ACSF2: variants seen among roughly 807,000 people sequenced by gnomAD.
ACSF2 encodes the protein acyl-CoA synthetase family member 2, also known as medium-chain acyl-CoA ligase ACSF2, mitochondrial.
Under a neutral mutation model 79.3 loss-of-function variants are expected in ACSF2, and 52 were observed. The ratio of observed to expected loss-of-function variants is 0.66; its 90% CI spans 0.53 to 0.83. The LOEUF is 0.83. Ranked by LOEUF, ACSF2 falls within the 40% of genes least tolerant of loss-of-function variation. ACSF2 has a pLI of 0.00. For synonymous variants in ACSF2, 283 were observed against 312.6 expected, an observed-to-expected ratio of 0.91 and a Z score of 1.00; for missense variants, 661 against 803.3, an observed-to-expected ratio of 0.82 and a Z score of 2.14.
chr17:50,459,739 G>A (rs532969397), intron 1 of ACSF2, among the ~76,000 whole-genome samples: 1 of 152,224 alleles, frequency 6.6e-6, no homozygotes, highest in South Asian at 2.1e-4. Flanking sequence ...GACTGCCCAG[G>A]CCTCTACCCA....
At chr17:50,433,259 C>T (rs1261266344) in intron 1 of ACSF2, among the ~76,000 whole-genome samples, 1 of 152,090 alleles carries the variant, frequency 6.6e-6, no homozygotes. Context: ...ACACCTGCCA[C>T]CACGCCCAGC....
At chr17:50,447,799 A>G (rs1025822978) in intron 1 of ACSF2, among the ~76,000 whole-genome samples, 3 of 152,210 alleles carry the variant, frequency 2.0e-5, no homozygotes, top group African/African-American at 7.2e-5. Context: ...CTCTGTGGAA[A>G]GTAGTCTGAC....
intron 10 of ACSF2, chr17:50,467,963 C>T: frequency 6.9e-7 from 1 of 1,454,164 alleles, no homozygotes; most frequent in Non-Finnish European, 9.3e-7. Flanking sequence ...GGGGATGGTG[C>T]CAGCTGTGGC....
chr17:50,436,503 G>T (rs1229174101), intron 1 of ACSF2, among the ~76,000 whole-genome samples: 1 of 151,804 alleles, frequency 6.6e-6, no homozygotes, highest in Admixed American at 6.6e-5. Flanking sequence ...TGCAATCTCG[G>T]ATCACTGCAA....
At chr17:50,465,132 CT>C in intron 10 of ACSF2, 1 of 746,992 alleles carries the variant, frequency 1.3e-6, no homozygotes, top group Non-Finnish European at 2.2e-6. Flanking sequence ...TGGGCAGGAC[CT>C]TTTCCTCCCT....
At chr17:50,432,423 T>G (rs1664677169) in intron 1 of ACSF2, among the ~76,000 whole-genome samples, 1 of 152,172 alleles carries the variant, frequency 6.6e-6, no homozygotes, top group Non-Finnish European at 1.5e-5. Context: ...TAACTGTGTC[T>G]GGGGAGTAGG....
chr17:50,433,648 C>T (rs2030143854), intron 1 of ACSF2, among the ~76,000 whole-genome samples: 1 of 152,116 alleles, frequency 6.6e-6, no homozygotes, highest in African/African-American at 2.4e-5. Flanking sequence ...GTATTTCAGG[C>T]TACTCTGTCA....
In ACSF2 at chr17:50,468,144, G is replaced by C. The variant is rs1471201677; in HGVS notation, c.1216-2884G>C. The C allele has an allele frequency of 1.9e-6, 3 of 1,614,038 alleles. No homozygotes were observed. The African/African-American group carries it at 4.0e-5, about 22-fold the overall frequency. ...TTCAGGGGGTTGTGGGACAGCTTCA[G>C]CTCCTCCACCACCCGTAGCTTGCTC... is the stretch of plus-strand genomic sequence containing the variant. On this transcript the variant is annotated intron_variant, in intron 10 of 15. Coordinates refer to ENST00000300441, the MANE Select transcript of ACSF2 (RefSeq NM_025149.6).
chr17:50,473,390 T>G (rs1384188664), intron 12 of ACSF2: 1 of 418,608 alleles, frequency 2.4e-6, no homozygotes, highest in Non-Finnish European at 4.4e-6. Context: ...TGGAGACATT[T>G]GAGCTGAGAC....
At chr17:50,444,341 T>C (rs2031149212) in intron 1 of ACSF2, among the ~76,000 whole-genome samples, 1 of 152,038 alleles carries the variant, frequency 6.6e-6, no homozygotes, top group Non-Finnish European at 1.5e-5. Flanking sequence ...TCACTTGAGG[T>C]CAGGAGTTTG....
At position 50,463,426 on chromosome 17, in the gene ACSF2, A is replaced by ACC. The variant is rs750863442; in HGVS notation, c.924_925dup (p.Leu309ProfsTer13). The ACC allele has an allele frequency of 1.2e-6, 2 of 1,613,846 alleles. No homozygotes were observed. The highest frequency in any genetic ancestry group is 1.7e-6 in the Non-Finnish European group (2 of 1,179,954). On this transcript the variant is annotated frameshift_variant, in exon 8 of 16. Transcript: ENST00000300441. LOFTEE classifies it high-confidence loss of function. The surrounding 1 kb of genome is among the most constrained non-coding windows in gnomAD (Gnocchi z 4.6). ...GAGCAGTTGCGGATGATCCTGCCCAACCCCCTGTACCATTGCCTGGGTTCC... is the reference window on the plus strand; with the variant it reads ...GAGCAGTTGCGGATGATCCTGCCCAACCCCCCCTGTACCATTGCCTGGGTTCC...
intron 1 of ACSF2, among the ~76,000 whole-genome samples, chr17:50,454,777 G>A (rs1343274053): frequency 1.3e-5 from 2 of 152,120 alleles, no homozygotes; most frequent in Non-Finnish European, 2.9e-5. Context: ...ACCTATTGGG[G>A]TTTCTGTCAC....
chr17:50,436,452 G>A (rs771440719), intron 1 of ACSF2, among the ~76,000 whole-genome samples: 5 of 145,196 alleles, frequency 3.4e-5, no homozygotes, highest in Non-Finnish European at 1.5e-5. Flanking sequence ...ATTTTCCTGC[G>A]ACAGAGTTTC....
At position 50,461,238 on chromosome 17, in the gene ACSF2, C is replaced by G; in HGVS notation, c.325-4C>G. 1 of 1,614,200 alleles carries G rather than the reference C, an allele frequency of 6.2e-7. No individual in the cohort carries two copies. Among genetic ancestry groups the G allele is most frequent in the Non-Finnish European group, 8.5e-7 (1 of 1,180,014 alleles). On this transcript the variant is annotated splice_region_variant and splice_polypyrimidine_tract_variant and intron_variant, in intron 2 of 15. Transcript: ENST00000300441. ...CACCCCTTGCGCCCCATCTTTTACA[C>G]TAGGTGGACAAAGCTGCTTCTGGCC...
chr17:50,473,992 C>A lies in ACSF2; in HGVS notation c.1716C>A (p.Phe572Leu). The part of the protein sequence containing the change: ...EETTVEEIKA[F>L]CKGKISHFKI... ...CCACGGTGGAGGAGATAAAAGCTTT[C>A]TGCAAAGGGAAGGTGGGAGCCTCCG... Residue 572 changes from phenylalanine (F) to leucine (L), a missense_variant, in exon 14 of 16, where the codon TTC becomes TTA. Physicochemically the swap from Phe to Leu is conservative, Grantham distance 22. Transcript: ENST00000300441. 6.6e-7 allele frequency: 1 copy of A among 1,513,930 alleles called. No individual in the cohort carries two copies. 93.8% of individuals were successfully genotyped at this position (1,513,930 alleles called of 1,614,324 possible).
rs2032618215 is a variant in ACSF2, at chr17:50,465,181, A to C, written c.1215+887A>C. 6 of 1,300,082 alleles carry C rather than the reference A, an allele frequency of 4.6e-6. No individual in the cohort carries two copies. The East Asian group carries it at 1.4e-4, about 30-fold the overall frequency. The allele number at this position is 1,300,082 out of a possible 1,614,324, so 80.5% of individuals were successfully genotyped here. A position where few individuals can be genotyped will look rare whatever the true frequency, so the allele number is the denominator to read the frequency against. ...CCAGTCGTCCCCTCCTCTCTCTGTAAAAATGGAGGGTCTGCCTGACCCTCC... is the reference window on the plus strand; with the variant it reads ...CCAGTCGTCCCCTCCTCTCTCTGTACAAATGGAGGGTCTGCCTGACCCTCC... On this transcript the variant is annotated intron_variant, in intron 10 of 15. Coordinates refer to ENST00000300441, the MANE Select transcript of ACSF2 (RefSeq NM_025149.6).
intron 1 of ACSF2, among the ~76,000 whole-genome samples, chr17:50,433,088 C>CTTAAATTAAGAAAA (rs1191419799): frequency 6.6e-6 from 1 of 151,056 alleles, no homozygotes; most frequent in Non-Finnish European, 1.5e-5. Context: ...CGCACACACA[C>CTTAAATTAAGAAAA]ACTTAAATAT....
chr17:50,451,029 C>T lies in ACSF2; in HGVS notation c.129-9648C>T, dbSNP rs559440255. ...CTCGCTGTAGCCTCGACCTCTCAGG[C>T]TCAAGTGATCCTTCAGAGTAGCTAG... On this transcript the variant is annotated intron_variant, in intron 1 of 15. Coordinates refer to ENST00000300441, the MANE Select transcript of ACSF2 (RefSeq NM_025149.6). Among the ~76,000 whole-genome samples the T allele has an allele frequency of 4.1e-4, 63 of 152,280 alleles. No individual in the cohort carries two copies. The East Asian group carries it at 5.6e-3, about 14-fold the overall frequency.
At chr17:50,442,281 G>T (rs2030978472) in intron 1 of ACSF2, among the ~76,000 whole-genome samples, 1 of 151,812 alleles carries the variant, frequency 6.6e-6, no homozygotes, top group South Asian at 2.1e-4. Flanking sequence ...CTCCAGCCTG[G>T]GTGACAAGAG....
Sources: allele counts gnomAD v4.1 joint callset (sites outside exome capture counted in the v4.1 genomes callset), GRCh38; gene constraint gnomAD v4.1.1; non-coding constraint Gnocchi (gnomAD v3.1); transcripts MANE v1.5; gene names NCBI Gene and HGNC (gene_info 2026-07-23, HGNC 2026-07-21).